The following RC3H1 variants were observed in gnomAD, a reference collection of about 807,000 sequenced individuals.
RC3H1 encodes the protein roquin-1.
Under a neutral mutation model 138.2 loss-of-function variants are expected in RC3H1, and 50 were observed. That is an observed-to-expected ratio of 0.36 (90% confidence interval 0.29 to 0.46). The LOEUF (loss-of-function observed/expected upper bound fraction) is 0.46, where lower values mean the gene tolerates loss of function less well. Ranked by LOEUF, RC3H1 falls within the 20% of genes least tolerant of loss-of-function variation. The pLI is 1.00. For missense variants in RC3H1, 1,031 were observed against 1,388.1 expected (o/e 0.74, Z 4.09); for synonymous variants, 462 against 489.1 (o/e 0.94, Z 0.73).
intron 6 of RC3H1, among the ~76,000 whole-genome samples, chr1:173,979,174 T>C (rs1176794687): frequency 6.6e-6 from 1 of 152,194 alleles, no homozygotes; most frequent in African/African-American, 2.4e-5. Context: ...TTACAGAAAG[T>C]TCTATTGCTC....
rs1557947870 is a variant in RC3H1, at chr1:173,992,862, G to A, written c.124C>T (p.Leu42=). Residue 42 remains leucine, a synonymous_variant, in exon 2 of 20, where the codon CTG becomes TTG. Transcript: ENST00000367696. ...GCGHTVCKMC[L]NKLHRKACPF... is the part of the protein sequence containing the mutation. ...CAAGCCTTGCGGTGGAGTTTATTCAGGCACATCTTGCAGACAGTATGGCCA... is the reference window on the plus strand; with the variant it reads ...CAAGCCTTGCGGTGGAGTTTATTCAAGCACATCTTGCAGACAGTATGGCCA... 2 of 1,614,138 alleles carry A rather than the reference G, an allele frequency of 1.2e-6. No individual in the cohort carries two copies. The highest frequency in any genetic ancestry group is 3.3e-4 in the Middle Eastern group (2 of 6,062).
chr1:173,982,434 C>A (rs1030598574), intron 5 of RC3H1, among the ~76,000 whole-genome samples: 1 of 152,174 alleles, frequency 6.6e-6, no homozygotes, highest in East Asian at 1.9e-4. Context: ...TCTCTTCAGA[C>A]CAATTCTGCA....
At chr1:173,960,132 A>C (rs925019138) in intron 13 of RC3H1, among the ~76,000 whole-genome samples, 13 of 143,796 alleles carry the variant, frequency 9.0e-5, no homozygotes, top group Non-Finnish European at 1.5e-4. Context: ...AAAAAAAAAG[A>C]TACAAAAATT....
rs1658861827 is a variant in RC3H1, at chr1:173,941,542, A to G, written c.3136-162T>C. The G allele has an allele frequency of 3.4e-5, 19 of 559,256 alleles. No homozygotes were observed. In the South Asian group the frequency reaches 3.7e-4, roughly 11 times the overall value. The allele number at this position is 559,256 out of a possible 1,614,324, so 34.6% of individuals were successfully genotyped here. ...CTAAAAGAGTGACATACATAAAAAC[A>G]TAACAGAATACAATCCACTTGCTCA... On this transcript the variant is annotated intron_variant, in intron 18 of 19. Coordinates refer to ENST00000367696, the MANE Select transcript of RC3H1 (RefSeq NM_172071.4).
chr1:173,959,708 T>A (rs551198931), intron 13 of RC3H1, among the ~76,000 whole-genome samples: 1 of 151,876 alleles, frequency 6.6e-6, no homozygotes, highest in Non-Finnish European at 1.5e-5. Context: ...GAGGCGGTGG[T>A]TGCAGTGAGC....
In RC3H1 at chr1:173,932,442, T is replaced by C. The variant is rs1658419109; in HGVS notation, c.*6279A>G. 6.6e-6 allele frequency: 1 copy of C among 152,048 alleles called. No individual in the cohort carries two copies. Among genetic ancestry groups the C allele is most frequent in the African/African-American group, 2.4e-5 (1 of 41,428 alleles). 9.4% of individuals were successfully genotyped at this position (152,048 alleles called of 1,614,324 possible). A position where few individuals can be genotyped will look rare whatever the true frequency, so the allele number is the denominator to read the frequency against. On this transcript the variant is annotated 3_prime_UTR_variant, in exon 20 of 20. Transcript: ENST00000367696. ...TTAAGTGGGTGAAAGGTTTTGTTCA[T>C]TACCTTAATTCACTTTTTCCATTGT...
chr1:174,001,754 T>C (rs955123928), intron 1 of RC3H1, among the ~76,000 whole-genome samples: 2 of 152,152 alleles, frequency 1.3e-5, no homozygotes, highest in African/African-American at 2.4e-5. Flanking sequence ...TTAAAGGTAG[T>C]AGAAAGGAAA....
chr1:173,942,168 G>T (rs1156918052), intron 18 of RC3H1, among the ~76,000 whole-genome samples: 1 of 151,548 alleles, frequency 6.6e-6, no homozygotes, highest in Non-Finnish European at 1.5e-5. Flanking sequence ...CTTGAACCCA[G>T]GAGGCAGAGG....
chr1:174,001,483 G>T (rs972511768), intron 1 of RC3H1, among the ~76,000 whole-genome samples: 1 of 152,120 alleles, frequency 6.6e-6, no homozygotes, highest in Non-Finnish European at 1.5e-5. Flanking sequence ...TTCTCATTCT[G>T]TTGCCCAGGC....
intron 19 of RC3H1, among the ~76,000 whole-genome samples, chr1:173,939,528 CAAAAAAAAAA>C (rs61301994): frequency 5.6e-5 from 2 of 35,946 alleles, no homozygotes; most frequent in Admixed American, 4.0e-4. Flanking sequence ...GAGATTTTAT[CAAAAAAAAAA>C]AAAAAAAAAA....
At chr1:173,977,717 A>G (rs1660647154) in intron 7 of RC3H1, among the ~76,000 whole-genome samples, 1 of 152,236 alleles carries the variant, frequency 6.6e-6, no homozygotes, top group Non-Finnish European at 1.5e-5. Context: ...AAATTCCAAG[A>G]GCATAACCTG....
At chr1:173,980,124 C>G (rs993731104) in intron 6 of RC3H1, among the ~76,000 whole-genome samples, 8 of 151,638 alleles carry the variant, frequency 5.3e-5, no homozygotes, top group Non-Finnish European at 1.2e-4. Context: ...GCAATCCCCC[C>G]ACCTTGGCCT....
At chr1:173,966,035 G>T (rs540573033) in intron 9 of RC3H1, among the ~76,000 whole-genome samples, 1 of 151,994 alleles carries the variant, frequency 6.6e-6, no homozygotes, top group Non-Finnish European at 1.5e-5. Context: ...CCAGCTACTC[G>T]GGAGGTTGAG....
rs1169468233 is a variant in RC3H1 at position 173,936,514 on chromosome 1, C to CAAAAAAAA, written c.*2199_*2206dup. On this transcript the variant is annotated 3_prime_UTR_variant, in exon 20 of 20. Coordinates refer to ENST00000367696, the MANE Select transcript of RC3H1 (RefSeq NM_172071.4). ...GGGCAACAGAAGCAGACTCCCTCTC[C>CAAAAAAAA]AAAAAAAAAAAAAAAAAAAAAAAAA... 7 of 28,160 alleles carry CAAAAAAAA rather than the reference C, an allele frequency of 2.5e-4. No individual in the cohort carries two copies. In the East Asian group the frequency reaches 2.9e-3, roughly 12 times the overall value. 1.7% of individuals were successfully genotyped at this position (28,160 alleles called of 1,614,324 possible).
At chr1:173,974,651 G>A (rs1034221544) in intron 7 of RC3H1, among the ~76,000 whole-genome samples, 1 of 118,286 alleles carries the variant, frequency 8.5e-6, no homozygotes, top group Non-Finnish European at 1.5e-5. Context: ...AGAGAGGAGG[G>A]AATTAAGTGG....
intron 1 of RC3H1, among the ~76,000 whole-genome samples, chr1:173,999,552 T>A (rs566973891): frequency 2.0e-5 from 3 of 152,338 alleles, no homozygotes; most frequent in African/African-American, 7.2e-5. Flanking sequence ...AATAACTACA[T>A]ATTGTGAGCA....
In RC3H1 at chr1:173,984,568, G is replaced by A; in HGVS notation, c.283C>T (p.His95Tyr). ...TLCSGVEDTK[H>Y]YEEAKKCVEE... ...ACACATTTCTTGGCTTCCTCATAAT[G>A]CTTTGTGTCTTCAACCCCACTACAC... is the stretch of plus-strand genomic sequence containing the variant. Residue 95 changes from histidine to tyrosine, a missense_variant, in exon 3 of 20, where the codon CAT (histidine) becomes TAT (tyrosine). By Grantham distance (83) the His-to-Tyr change is moderately conservative (BLOSUM62 2). This residue lies in a region of RC3H1 where 80 missense variants were observed against 81.1 expected (regional missense o/e 0.99). Transcript: ENST00000367696. 1.2e-6 allele frequency: 2 copies of A among 1,613,944 alleles called. No homozygotes were observed. Among genetic ancestry groups the A allele is most frequent in the Non-Finnish European group, 1.7e-6 (2 of 1,179,882 alleles).
rs1252397544 is a variant in RC3H1, at chr1:173,936,774, TTTTTA to T, written c.*1942_*1946del. On this transcript the variant is annotated 3_prime_UTR_variant, in exon 20 of 20. Coordinates refer to ENST00000367696, the MANE Select transcript of RC3H1 (RefSeq NM_172071.4). ...ATATATATATATATTTTTTTTTTTTTTTTTAAAAAAAGAAGACAAATGTATAAGAA... is the reference window on the plus strand; with the variant it reads ...ATATATATATATATTTTTTTTTTTTTAAAAAAGAAGACAAATGTATAAGAA... The T allele has an allele frequency of 4.6e-4, 57 of 123,516 alleles. No homozygotes were observed. Among genetic ancestry groups the T allele is most frequent in the East Asian group, 3.8e-3 (17 of 4,496 alleles). The allele number at this position is 123,516 out of a possible 1,614,324, so 7.7% of individuals were successfully genotyped here. A position where few individuals can be genotyped will look rare whatever the true frequency, so the allele number is the denominator to read the frequency against.
chr1:174,003,203 G>A (rs1484195756), intron 1 of RC3H1, among the ~76,000 whole-genome samples: 1 of 151,872 alleles, frequency 6.6e-6, no homozygotes, highest in African/African-American at 2.4e-5. Context: ...CCTGGCCAAC[G>A]TGGTGAAACC....
Sources: allele counts gnomAD v4.1 joint callset (sites outside exome capture counted in the v4.1 genomes callset), GRCh38; gene constraint gnomAD v4.1.1; regional missense constraint gnomAD v4.1.1; transcripts MANE v1.5; gene names NCBI Gene and HGNC (gene_info 2026-07-23, HGNC 2026-07-21).